CLDN14: variants seen among roughly 807,000 people sequenced by gnomAD.
The protein encoded by CLDN14 is claudin 14.
Under a neutral mutation model 2.1 loss-of-function variants are expected in CLDN14, and 2 were observed. The ratio of observed to expected loss-of-function variants is 0.96; its 90% confidence interval spans 0.39 to 3.01. The LOEUF is 3.01. Ranked by LOEUF, CLDN14 falls within the 30% of genes most tolerant of loss-of-function variation. CLDN14 has a pLI of 0.09. For synonymous variants in CLDN14, 136 were observed against 154.4 expected (o/e 0.88, Z 0.88); for missense variants, 298 against 328.0 (o/e 0.91, Z 0.71).
At chr21:36,471,258 CT>C (rs1318022152) in intron 1 of CLDN14, among the ~76,000 whole-genome samples, 2 of 152,132 alleles carry the variant, frequency 1.3e-5, no homozygotes, top group Admixed American at 1.3e-4. Context: ...AGCTTCATGT[CT>C]CAAAGTGTGG....
chr21:36,523,781 G>GAGAGAGAGAGAGAGAGAGAGAGAA (rs1568868851), intron 1 of CLDN14, among the ~76,000 whole-genome samples: 4 of 38,340 alleles, frequency 1.0e-4, no homozygotes, highest in South Asian at 1.1e-3. Context: ...GAGAGAAAGA[G>GAGAGAGAGAGAGAGAGAGAGAGAA]AGAAAGAAAG....
chr21:36,558,991 T>C (rs1392448160), intron 1 of CLDN14, among the ~76,000 whole-genome samples: 1 of 152,172 alleles, frequency 6.6e-6, no homozygotes, highest in Non-Finnish European at 1.5e-5. Flanking sequence ...TTTGCCTTAC[T>C]GCTCTTACAA....
chr21:36,462,038 C>T (rs574324704), intron 1 of CLDN14, among the ~76,000 whole-genome samples: 4 of 152,288 alleles, frequency 2.6e-5, no homozygotes, highest in Admixed American at 2.6e-4. Flanking sequence ...TGCTTATGTC[C>T]ACCCTTGAGC....
chr21:36,539,389 G>A (rs1413601468), intron 1 of CLDN14, among the ~76,000 whole-genome samples: 2 of 128,130 alleles, frequency 1.6e-5, no homozygotes, highest in South Asian at 2.3e-4. Flanking sequence ...TGTGTGGAGT[G>A]AGTGTGTGTG....
intron 1 of CLDN14, among the ~76,000 whole-genome samples, chr21:36,523,404 A>T (rs938714278): frequency 6.6e-6 from 1 of 152,186 alleles, no homozygotes; most frequent in Non-Finnish European, 1.5e-5. Context: ...CTCTGGACTT[A>T]AACTTTCTTT....
chr21:36,553,242 C>A (rs1486351932), intron 1 of CLDN14, among the ~76,000 whole-genome samples: 1 of 152,318 alleles, frequency 6.6e-6, no homozygotes, highest in Middle Eastern at 3.4e-3. Context: ...CTGCTATAGT[C>A]TTACCTCTGC....
intron 2 of CLDN14, among the ~76,000 whole-genome samples, chr21:36,489,127 A>AT (rs2086932559): frequency 4.4e-5 from 4 of 90,122 alleles, no homozygotes; most frequent in African/African-American, 1.5e-4. Flanking sequence ...GAAAAAAAAA[A>AT]AAAAATATAT....
In CLDN14 at chr21:36,549,276, ACTCT is replaced by A. The variant is rs1555854100; in HGVS notation, c.-220+27131_-220+27134del. Among the ~76,000 whole-genome samples the A allele has an allele frequency of 1.5e-4, 21 of 139,616 alleles. No homozygotes were observed. In the East Asian group the frequency reaches 1.7e-3, roughly 11 times the overall value. 91.6% of individuals were successfully genotyped at this position (139,616 alleles called of 152,430 possible). A position where few individuals can be genotyped will look rare whatever the true frequency, so the allele number is the denominator to read the frequency against. On this transcript the variant is annotated intron_variant, in intron 1 of 2. Transcript: ENST00000342108. Reference sequence around the variant, plus strand: ...TCCTTCATGTGTGCATTACACACACACTCTCTCTCTCTCTCTCTCTCCTCCCCAC... The same window carrying A: ...TCCTTCATGTGTGCATTACACACACACTCTCTCTCTCTCTCTCCTCCCCAC...
intron 1 of CLDN14, among the ~76,000 whole-genome samples, chr21:36,473,817 G>A (rs754151555): frequency 3.9e-5 from 6 of 152,232 alleles, no homozygotes; most frequent in Non-Finnish European, 5.9e-5. Context: ...GCCACGGGCT[G>A]TAGGAATGGG....
At chr21:36,519,517 C>T (rs573286878) in intron 1 of CLDN14, among the ~76,000 whole-genome samples, 2 of 152,232 alleles carry the variant, frequency 1.3e-5, no homozygotes, top group Non-Finnish European at 2.9e-5. Context: ...TTGAGAACAG[C>T]CTGGCCAACA....
intron 1 of CLDN14, among the ~76,000 whole-genome samples, chr21:36,562,958 A>T (rs1256598300): frequency 1.3e-5 from 2 of 152,202 alleles, no homozygotes; most frequent in Non-Finnish European, 2.9e-5. Context: ...CCATAACAAG[A>T]TGATGGAAAT....
intron 1 of CLDN14, among the ~76,000 whole-genome samples, chr21:36,555,083 C>T (rs766507646): frequency 4.6e-5 from 7 of 152,206 alleles, no homozygotes; most frequent in Admixed American, 1.3e-4. Flanking sequence ...GCAAGCCATC[C>T]GCAGGGATTT....
chr21:36,527,039 C>A (rs1017539653), intron 1 of CLDN14, among the ~76,000 whole-genome samples: 1 of 152,130 alleles, frequency 6.6e-6, no homozygotes, highest in Non-Finnish European at 1.5e-5. Context: ...AGAGATCATG[C>A]CCCCCAAATA....
At chr21:36,535,228 A>G (rs1046878184) in intron 1 of CLDN14, among the ~76,000 whole-genome samples, 3 of 152,064 alleles carry the variant, frequency 2.0e-5, no homozygotes, top group Non-Finnish European at 2.9e-5. Context: ...TGTCTCTACT[A>G]AAAATACAAA....
At chr21:36,470,452 G>A (rs950021992) in intron 1 of CLDN14, among the ~76,000 whole-genome samples, 15 of 151,870 alleles carry the variant, frequency 9.9e-5, no homozygotes, top group Non-Finnish European at 2.2e-4. Context: ...AACCCGCGGA[G>A]AATCGCCAGC....
chr21:36,473,464 TA>T (rs1421219782), intron 1 of CLDN14, among the ~76,000 whole-genome samples: 1 of 152,248 alleles, frequency 6.6e-6, no homozygotes, highest in Non-Finnish European at 1.5e-5. Context: ...TCTCTTTCTA[TA>T]TAAATGCATA....
chr21:36,478,999 G>A (rs2086811639), intron 1 of CLDN14, among the ~76,000 whole-genome samples: 1 of 152,098 alleles, frequency 6.6e-6, no homozygotes, highest in African/African-American at 2.4e-5. Context: ...ATGCCAATAT[G>A]TGTCTGTGTT....
intron 2 of CLDN14, among the ~76,000 whole-genome samples, chr21:36,496,607 A>G (rs1601610588): frequency 6.8e-6 from 1 of 147,596 alleles, no homozygotes; most frequent in Non-Finnish European, 1.5e-5. Context: ...GATGACATGG[A>G]CCCCTGAGAG....
At position 36,498,529 on chromosome 21, in the gene CLDN14, T is replaced by G. The variant is rs145413269; in HGVS notation, c.-82+11834A>C. Among the ~76,000 whole-genome samples the G allele has an allele frequency of 2.0e-5, 3 of 152,266 alleles. No individual in the cohort carries two copies. Among genetic ancestry groups the G allele is most frequent in the Non-Finnish European group, 2.9e-5 (2 of 68,012 alleles). On this transcript the variant is annotated intron_variant, in intron 2 of 2. Coordinates refer to the CLDN14 transcript ENST00000342108. This position sits in a 1 kb window ranked among gnomAD's most constrained non-coding sequence, Gnocchi z 4.9. ...AAAATAGGAGATTTCCAGTCTCAGA[T>G]TGGATACATGCACTTAATATCAGCA...
Sources: allele counts gnomAD v4.1 joint callset (sites outside exome capture counted in the v4.1 genomes callset), GRCh38; gene constraint gnomAD v4.1.1; non-coding constraint Gnocchi (gnomAD v3.1); transcripts MANE v1.5; gene names NCBI Gene and HGNC (gene_info 2026-07-23, HGNC 2026-07-21).